VWA2: variants seen among roughly 807,000 people sequenced by gnomAD.
VWA2 encodes von Willebrand factor A domain containing 2, also known as von Willebrand factor A domain-containing protein 2.
VWA2 carries 73 observed loss-of-function variants against 70.4 expected under a neutral mutation model. The observed-to-expected ratio is 1.04, with a 90% CI of 0.86 to 1.26. The LOEUF is 1.26. Ranked by LOEUF, VWA2 falls within the 50% of genes most tolerant of loss-of-function variation. The pLI, the probability that VWA2 is intolerant of heterozygous loss-of-function variation, is 0.00. For synonymous variants in VWA2, 407 were observed against 423.3 expected, an observed-to-expected ratio of 0.96 and a Z score of 0.47; for missense variants, 1,011 against 998.5, an observed-to-expected ratio of 1.01 and a Z score of -0.17.
rs964002856 is a variant in VWA2, at chr10:114,292,717, T to C, written c.*1480T>C. 1.3e-5 allele frequency among the ~76,000 whole-genome samples: 2 copies of C among 151,926 alleles called. No individual in the cohort carries two copies. The highest frequency in any genetic ancestry group is 2.9e-5 in the Non-Finnish European group (2 of 67,994). ...CTCCAGACACTTTATCGTTTTTCTT[T>C]TTTTTGAGACGGAGTTTTGCTCTTG... On this transcript the variant is annotated 3_prime_UTR_variant, in exon 14 of 14. Transcript: ENST00000392982.
chr10:114,253,567 GT>G, intron 2 of VWA2, 83 bp from the exon 3 acceptor site: 1 of 1,215,390 alleles, frequency 8.2e-7, no homozygotes, highest in Non-Finnish European at 1.2e-6. Context: ...GATGTTACCT[GT>G]TTAGTCAAGT....
intron 1 of VWA2, among the ~76,000 whole-genome samples, chr10:114,247,428 G>C (rs1178075846): frequency 6.6e-6 from 1 of 152,078 alleles, no homozygotes; most frequent in African/African-American, 2.4e-5. Context: ...CTCCTGAGTA[G>C]CTGGAATTAT....
At chr10:114,285,833 T>G in intron 10 of VWA2, 106 bp from the exon 11 acceptor site, 1 of 1,253,328 alleles carries the variant, frequency 8.0e-7, no homozygotes, top group Non-Finnish European at 1.1e-6. Flanking sequence ...GGCCCACAGT[T>G]TCTCTGCACC....
chr10:114,251,820 A>ATT (rs1219307995), intron 2 of VWA2, among the ~76,000 whole-genome samples: 8,753 of 120,786 alleles, frequency 0.072, 643 homozygotes, highest in African/African-American at 0.18. Flanking sequence ...AAAACCTGTA[A>ATT]TTTTTTTTTT....
intron 1 of VWA2, among the ~76,000 whole-genome samples, chr10:114,243,151 C>CT (rs1395279036): frequency 2.6e-5 from 4 of 152,234 alleles, no homozygotes; most frequent in Non-Finnish European, 5.9e-5. Flanking sequence ...CATGAACTCT[C>CT]TTCTGGCTAA....
rs146348286 is a variant in VWA2, at chr10:114,272,884, G to C, written c.516G>C (p.Gln172His). 1 of 1,613,848 alleles carries C rather than the reference G, an allele frequency of 6.2e-7. No homozygotes were observed. The highest frequency in any genetic ancestry group is 1.1e-5 in the South Asian group (1 of 91,004). The part of the protein sequence containing the change: ...SQGDVALPSK[Q>H]LKERGVTVFA... ...GGGATGTGGCACTGCCATCCAAGCA[G>C]CTGAAGGAAAGGGGTGTCACTGTGT... The change falls in exon 6 of 14, where the codon CAG becomes CAC. Residue 172 changes from glutamine to histidine, a missense_variant. Transcript: ENST00000392982.
At chr10:114,250,595 A>G (rs1349397529) in intron 2 of VWA2, among the ~76,000 whole-genome samples, 1 of 152,052 alleles carries the variant, frequency 6.6e-6, no homozygotes, top group Non-Finnish European at 1.5e-5. Flanking sequence ...TGAATTGGCT[A>G]CTGTTAATAC....
At position 114,277,997 on chromosome 10, in the gene VWA2, G is replaced by A. The variant is rs956833980; in HGVS notation, c.650G>A (p.Gly217Asp). 4 of 1,613,420 alleles carry A rather than the reference G, an allele frequency of 2.5e-6. No homozygotes were observed. The highest frequency in any genetic ancestry group is 8.5e-7 in the Non-Finnish European group (1 of 1,179,794). The change falls in exon 7 of 14, where the codon GGC becomes GAC. Residue 217 changes from glycine (G) to aspartate (D), a missense_variant. By Grantham distance (94) the Gly-to-Asp change is moderately conservative. Transcript: ENST00000392982. ...GAGCAGGTGGAGGATGCCACCAACG[G>A]CCTCTTCAGCACCCTCAGCAGCTCG... is the stretch of plus-strand genomic sequence containing the variant. The part of the protein sequence containing the change: ...LAEQVEDATN[G>D]LFSTLSSSAI...
chr10:114,240,898 C>T (rs2036964231), intron 1 of VWA2, among the ~76,000 whole-genome samples: 1 of 152,178 alleles, frequency 6.6e-6, no homozygotes, highest in Non-Finnish European at 1.5e-5. Context: ...GATTGCTTTC[C>T]TCATCATCTC....
rs1190562364 is a variant in VWA2 at position 114,272,946 on chromosome 10, A to G, written c.566+12A>G. ...GTCAGGTTTCCCAGGTAAGAGCCTC[A>G]GTCACCCTGGATCAGCCCTCAGGTG... is the stretch of plus-strand genomic sequence containing the variant. On this transcript the variant is annotated intron_variant, in intron 6 of 13. Coordinates refer to ENST00000392982, the MANE Select transcript of VWA2 (RefSeq NM_001272046.2). 3 of 1,603,856 alleles carry G rather than the reference A, an allele frequency of 1.9e-6. No individual in the cohort carries two copies. The highest frequency in any genetic ancestry group is 1.7e-5 in the Admixed American group (1 of 59,484).
intron 5 of VWA2, among the ~76,000 whole-genome samples, chr10:114,270,112 G>T (rs1022519821): frequency 2.6e-5 from 4 of 152,254 alleles, no homozygotes; most frequent in African/African-American, 9.6e-5. Flanking sequence ...CAGCAGGCCA[G>T]ATTAAGCTGA....
intron 4 of VWA2, among the ~76,000 whole-genome samples, chr10:114,258,459 G>T (rs1197507884): frequency 1.3e-5 from 2 of 152,098 alleles, no homozygotes; most frequent in Non-Finnish European, 2.9e-5. Context: ...TAGCTGGGCG[G>T]GCCTGTTTCT....
chr10:114,276,938 T>A (rs1183922958), intron 6 of VWA2, among the ~76,000 whole-genome samples: 1 of 152,074 alleles, frequency 6.6e-6, no homozygotes, highest in Admixed American at 6.5e-5. Flanking sequence ...CTGGCAGCAC[T>A]GCCTGCAGAC....
Position 114,289,319 on chromosome 10 carries a change from C to T in VWA2, c.1952C>T (p.Pro651Leu), listed in dbSNP as rs1390657619. 2 of 1,614,112 alleles carry T rather than the reference C, an allele frequency of 1.2e-6. No homozygotes were observed. Among genetic ancestry groups the T allele is most frequent in the Non-Finnish European group, 1.7e-6 (2 of 1,180,054 alleles). The change falls in exon 12 of 14, where the codon CCT (proline) becomes CTT (leucine). Residue 651 changes from proline (P) to leucine (L), a missense_variant. Pro to Leu is a moderately conservative substitution (Grantham distance 98). Coordinates refer to ENST00000392982, the MANE Select transcript of VWA2 (RefSeq NM_001272046.2). ...AGAGGCGCAGAGGATGCAGCCGTTC[C>T]TGCCCAGAAGCTGAGGAACAATGGC... ...GGRGAEDAAV[P>L]AQKLRNNGIS...
Position 114,268,844 on chromosome 10 carries a change from G to A in VWA2, c.372-3896G>A, listed in dbSNP as rs927903902. Among the ~76,000 whole-genome samples, 4 of 151,982 alleles carry A rather than the reference G, an allele frequency of 2.6e-5. No homozygotes were observed. In the East Asian group the frequency reaches 5.8e-4, roughly 22 times the overall value. ...CGAGTAGCTGGGACGACAGGCACCC[G>A]CCACCATGCCTGGCTAATTTTTTTG... On this transcript the variant is annotated intron_variant, in intron 5 of 13. Coordinates refer to ENST00000392982, the MANE Select transcript of VWA2 (RefSeq NM_001272046.2).
At chr10:114,248,526 G>A (rs982926943) in intron 1 of VWA2, among the ~76,000 whole-genome samples, 178 bp from the exon 2 acceptor site, 1 of 152,134 alleles carries the variant, frequency 6.6e-6, no homozygotes, top group Non-Finnish European at 1.5e-5. Context: ...CAAAGTAATT[G>A]GAGTAAAGTC....
At chr10:114,263,643 G>A (rs1490367601) in intron 5 of VWA2, among the ~76,000 whole-genome samples, 1 of 152,040 alleles carries the variant, frequency 6.6e-6, no homozygotes. Flanking sequence ...GGCCGAATCT[G>A]CACTTTTAAA....
chr10:114,278,486 G>A (rs1246440559), intron 7 of VWA2, among the ~76,000 whole-genome samples: 2 of 152,230 alleles, frequency 1.3e-5, no homozygotes, highest in Non-Finnish European at 2.9e-5. Context: ...CGCAAAAGCT[G>A]TGTGGGGTGG....
rs775982897 is a variant in VWA2 at position 114,291,996 on chromosome 10, G to A, written c.*759G>A. Among the ~76,000 whole-genome samples, 37 of 152,290 alleles carry A rather than the reference G, an allele frequency of 2.4e-4. No individual in the cohort carries two copies. The highest frequency in any genetic ancestry group is 5.1e-4 in the African/African-American group (21 of 41,560). The stretch of plus-strand genomic sequence containing the variant: ...GGGTCTTCCTTTCAAAAGAGGCTGC[G>A]GCCAGAGACTGTGGCTCATGCCTGT... On this transcript the variant is annotated 3_prime_UTR_variant, in exon 14 of 14. Coordinates refer to ENST00000392982, the MANE Select transcript of VWA2 (RefSeq NM_001272046.2).
Sources: gnomAD v4.1 joint callset for allele counts (sites outside exome capture counted in the v4.1 genomes callset) on GRCh38, gnomAD v4.1.1 for gene constraint, MANE v1.5 for transcripts, NCBI Gene and HGNC (gene_info 2026-07-23, HGNC 2026-07-21) for gene names.